The following USP46 variants were observed in gnomAD, a reference collection of about 807,000 sequenced individuals.
USP46 encodes the protein ubiquitin carboxyl-terminal hydrolase 46.
A neutral mutation model predicts 44.4 loss-of-function variants in USP46; 12 were observed. That is an observed-to-expected ratio of 0.27 (90% CI 0.17 to 0.44). The LOEUF (loss-of-function observed/expected upper bound fraction) is 0.44, where lower values mean the gene tolerates loss of function less well. Ranked by LOEUF, USP46 falls within the 20% of genes least tolerant of loss-of-function variation. The pLI is 1.00. For synonymous variants in USP46, 155 were observed against 161.5 expected (o/e 0.96, Z 0.31); for missense variants, 248 against 444.8 (o/e 0.56, Z 3.98).
Position 52,601,923 on chromosome 4 carries a change from G to T in USP46, c.854C>A (p.Thr285Asn). 6.2e-7 allele frequency: 1 copy of T among 1,613,968 alleles called. No individual in the cohort carries two copies. Among genetic ancestry groups the T allele is most frequent in the South Asian group, 1.1e-5 (1 of 91,060 alleles). ...VFPLELRLFN[T>N]SSDAVNLDRM... is the part of the protein sequence containing the mutation. ...GTCCAGGTTCACTGCATCACTGGAG[G>T]TGTTGAAGAGCCGGAGTTCCAGAGG... Residue 285 changes from threonine (T) to asparagine (N), a missense_variant, in exon 7 of 9, where the codon ACC becomes AAC. Thr to Asn is a moderately conservative substitution (Grantham distance 65). Around this residue, in one of 5 missense-constraint regions of USP46, gnomAD observed 98 missense variants for 218.2 expected, o/e 0.45. Coordinates refer to ENST00000441222, the MANE Select transcript of USP46 (RefSeq NM_022832.4).
Position 52,594,700 on chromosome 4 carries a change from C to T in USP46, c.*2940G>A, listed in dbSNP as rs1716157131. On this transcript the variant is annotated 3_prime_UTR_variant, in exon 9 of 9. Transcript: ENST00000441222. ...AGTTAGAACATAGATCATTATTAGG[C>T]ATGCCCATGAAATTAAGGGTATCCA... 2 of 152,176 alleles carry T rather than the reference C, an allele frequency of 1.3e-5. No individual in the cohort carries two copies. Among genetic ancestry groups the T allele is most frequent in the African/African-American group, 2.4e-5 (1 of 41,438 alleles). The allele number at this position is 152,176 out of a possible 1,614,324, so 9.4% of individuals were successfully genotyped here.
intron 2 of USP46, chr4:52,629,663 G>A (rs549756976): frequency 4.6e-5 from 21 of 456,192 alleles, no homozygotes; most frequent in African/African-American, 3.8e-4. Context: ...AGTAACGCTT[G>A]GCCCCAATTC....
intron 4 of USP46, among the ~76,000 whole-genome samples, chr4:52,613,942 G>A (rs1464057734): frequency 6.6e-6 from 1 of 151,936 alleles, no homozygotes; most frequent in Non-Finnish European, 1.5e-5. Context: ...ACTATCATCA[G>A]TAAAATAAAA....
At chr4:52,647,224 C>G (rs1366707524) in intron 1 of USP46, among the ~76,000 whole-genome samples, 1 of 152,138 alleles carries the variant, frequency 6.6e-6, no homozygotes, top group East Asian at 1.9e-4. Context: ...CAGGACAGAT[C>G]AGGGTATACT....
intron 5 of USP46, among the ~76,000 whole-genome samples, chr4:52,609,795 T>C (rs1422339087): frequency 6.7e-6 from 1 of 150,258 alleles, no homozygotes; most frequent in Non-Finnish European, 1.5e-5. Context: ...AGCCTGAACA[T>C]TTCCAAGTGC....
At chr4:52,630,663 C>T (rs10019796) in intron 2 of USP46, among the ~76,000 whole-genome samples, 22,000 of 147,682 alleles carry the variant, frequency 0.15, 1,707 homozygotes, top group African/African-American at 0.22. Context: ...CTTGAACACA[C>T]GAGGTGGAGG....
At chr4:52,632,990 AAAAGAAAGAAAGAAAGAAAGAAAG>A (rs71195120) in intron 1 of USP46, among the ~76,000 whole-genome samples, 2 of 66,344 alleles carry the variant, frequency 3.0e-5, no homozygotes, top group Non-Finnish European at 6.1e-5. Flanking sequence ...GAAAGAAAAG[AAAAGAAAGAAAGAAAGAAAGAAAG>A]AAAGAAAGAA....
At chr4:52,653,366 A>T (rs1296771828) in intron 1 of USP46, among the ~76,000 whole-genome samples, 1 of 151,918 alleles carries the variant, frequency 6.6e-6, no homozygotes. Context: ...TTAGCCAGGC[A>T]TGGTAGCAGG....
chr4:52,612,556 T>C (rs1323584306), intron 4 of USP46, among the ~76,000 whole-genome samples: 1 of 152,242 alleles, frequency 6.6e-6, no homozygotes, highest in Non-Finnish European at 1.5e-5. Context: ...TTTGTGAAAC[T>C]GCTCTCTTGC....
At chr4:52,635,484 C>T (rs1198303502) in intron 1 of USP46, among the ~76,000 whole-genome samples, 2 of 152,176 alleles carry the variant, frequency 1.3e-5, no homozygotes, top group African/African-American at 4.8e-5. Context: ...GTGCTCATTT[C>T]CAATGGTCCC....
chr4:52,652,583 T>C (rs990264294), intron 1 of USP46, among the ~76,000 whole-genome samples: 1 of 152,312 alleles, frequency 6.6e-6, no homozygotes, highest in Non-Finnish European at 1.5e-5. Flanking sequence ...TATGTGTCTC[T>C]CAATGGATAA....
chr4:52,658,573 A>G (rs1577706168), intron 1 of USP46, among the ~76,000 whole-genome samples: 1 of 152,202 alleles, frequency 6.6e-6, no homozygotes. Flanking sequence ...ACCAGGTTGA[A>G]GTTCACTTCT....
rs1335366742 is a variant in USP46, at chr4:52,610,526, T to C, written c.638+15A>G. 4.3e-6 allele frequency: 7 copies of C among 1,612,604 alleles called. No homozygotes were observed. The Admixed American group carries it at 1.2e-4, about 27-fold the overall frequency. ...AGCCTGATCAAAAGCTCAAACTGCCTCAGAGTTCATATACCTTAGACAGTG... is the reference window on the plus strand; with the variant it reads ...AGCCTGATCAAAAGCTCAAACTGCCCCAGAGTTCATATACCTTAGACAGTG... On this transcript the variant is annotated intron_variant, in intron 5 of 8. Coordinates refer to ENST00000441222, the MANE Select transcript of USP46 (RefSeq NM_022832.4).
intron 4 of USP46, among the ~76,000 whole-genome samples, chr4:52,619,726 G>C (rs1027736138): frequency 6.6e-6 from 1 of 152,188 alleles, no homozygotes; most frequent in African/African-American, 2.4e-5. Flanking sequence ...AACGCCTTGG[G>C]AGATTGATTC....
At position 52,657,125 on chromosome 4, in the gene USP46, A is replaced by G. The variant is rs924653898; in HGVS notation, c.36+1990T>C. Reference sequence around the variant, plus strand: ...ACCCAAACTCTGTCACTCTCTAGACATGGCGTCTAAATACAACATCAGACT... The same window carrying G: ...ACCCAAACTCTGTCACTCTCTAGACGTGGCGTCTAAATACAACATCAGACT... On this transcript the variant is annotated intron_variant, in intron 1 of 8. Transcript: ENST00000441222. Among the ~76,000 whole-genome samples, 3 of 151,866 alleles carry G rather than the reference A, an allele frequency of 2.0e-5. No homozygotes were observed. The East Asian group carries it at 5.8e-4, about 29-fold the overall frequency.
At position 52,625,160 on chromosome 4, in the gene USP46, C is replaced by T. The variant is rs1670812917; in HGVS notation, c.561+858G>A. On this transcript the variant is annotated intron_variant, in intron 4 of 8. Coordinates refer to ENST00000441222, the MANE Select transcript of USP46 (RefSeq NM_022832.4). ...GTAGTAGTTATAATAAAAAATAATACCTGACATTTATTGCCTACTTGCCAT... is the reference window on the plus strand; with the variant it reads ...GTAGTAGTTATAATAAAAAATAATATCTGACATTTATTGCCTACTTGCCAT... 2.0e-5 allele frequency among the ~76,000 whole-genome samples: 3 copies of T among 152,194 alleles called. No homozygotes were observed. In the South Asian group the frequency reaches 6.2e-4, roughly 32 times the overall value.
chr4:52,633,048 T>C (rs902118072), intron 1 of USP46, among the ~76,000 whole-genome samples: 1 of 149,366 alleles, frequency 6.7e-6, no homozygotes, highest in Non-Finnish European at 1.5e-5. Context: ...TAAGTTTCAT[T>C]TTTAAAAATT....
At chr4:52,619,574 G>A (rs1717301614) in intron 4 of USP46, among the ~76,000 whole-genome samples, 1 of 152,184 alleles carries the variant, frequency 6.6e-6, no homozygotes, top group Non-Finnish European at 1.5e-5. Context: ...TTTTCATCCA[G>A]GTGAAGGAAA....
intron 1 of USP46, among the ~76,000 whole-genome samples, chr4:52,642,026 C>G (rs960754075): frequency 1.3e-5 from 2 of 152,108 alleles, no homozygotes; most frequent in African/African-American, 4.8e-5. Context: ...CATAAAGGAC[C>G]TATTTTCAAA....
Sources: allele counts gnomAD v4.1 joint callset (sites outside exome capture counted in the v4.1 genomes callset), GRCh38; gene constraint gnomAD v4.1.1; regional missense constraint gnomAD v4.1.1; transcripts MANE v1.5; gene names NCBI Gene and HGNC (gene_info 2026-07-23, HGNC 2026-07-21).